The following PACRG variants were observed in gnomAD, a reference collection of about 807,000 sequenced individuals.
The protein encoded by PACRG is parkin coregulated gene protein.
Under a neutral mutation model 29.7 loss-of-function variants are expected in PACRG, and 29 were observed. The ratio of observed to expected loss-of-function variants is 0.98; its 90% confidence interval spans 0.73 to 1.33. The LOEUF (loss-of-function observed/expected upper bound fraction) is 1.33, where lower values mean the gene tolerates loss of function less well. Ranked by LOEUF, PACRG falls within the 40% of genes most tolerant of loss-of-function variation. PACRG has a pLI of 0.00. For missense variants in PACRG, 279 were observed against 316.2 expected, an observed-to-expected ratio of 0.88 and a Z score of 0.89; for synonymous variants, 116 against 118.7, an observed-to-expected ratio of 0.98 and a Z score of 0.15.
At chr6:163,012,316 C>A (rs1805690882) in intron 2 of PACRG, among the ~76,000 whole-genome samples, 1 of 152,152 alleles carries the variant, frequency 6.6e-6, no homozygotes, top group African/African-American at 2.4e-5. Context: ...ATCTGCAAAG[C>A]CAGAAGACAA....
chr6:162,968,572 C>T (rs1801244755), intron 2 of PACRG, among the ~76,000 whole-genome samples: 1 of 152,200 alleles, frequency 6.6e-6, no homozygotes, highest in Non-Finnish European at 1.5e-5. Flanking sequence ...AGTTAACTTC[C>T]TGCTTTCTTG....
rs1231974004 is a variant in PACRG, at chr6:163,086,631, G to C, written c.464-2628G>C. On this transcript the variant is annotated intron_variant, in intron 3 of 4. Coordinates refer to ENST00000366888, the MANE Select transcript of PACRG (RefSeq NM_001080379.2). ...GCAACAAACCCTAGTTCGTTGCTAG[G>C]GGGGATGAATCTGACCACATTTTTT... Among the ~76,000 whole-genome samples the C allele has an allele frequency of 6.6e-5, 10 of 152,100 alleles. No individual in the cohort carries two copies. The East Asian group carries it at 1.2e-3, about 18-fold the overall frequency.
intron 3 of PACRG, among the ~76,000 whole-genome samples, chr6:163,073,991 A>G (rs1434059682): frequency 6.6e-6 from 1 of 152,208 alleles, no homozygotes; most frequent in Non-Finnish European, 1.5e-5. Context: ...CATTAATACA[A>G]CCACTATGGA....
intron 2 of PACRG, among the ~76,000 whole-genome samples, chr6:162,944,339 A>G (rs1004402899): frequency 6.6e-6 from 1 of 152,244 alleles, no homozygotes; most frequent in African/African-American, 2.4e-5. Flanking sequence ...CTTAGCAAGA[A>G]AATTCAAACA....
At chr6:162,757,405 C>T (rs1782013332) in intron 1 of PACRG, among the ~76,000 whole-genome samples, 1 of 152,258 alleles carries the variant, frequency 6.6e-6, no homozygotes, top group East Asian at 1.9e-4. Context: ...AATCCCAGCA[C>T]TTTGGGAGGC....
intron 4 of PACRG, among the ~76,000 whole-genome samples, chr6:163,140,932 A>G (rs1347952590): frequency 6.6e-6 from 1 of 152,228 alleles, no homozygotes; most frequent in Non-Finnish European, 1.5e-5. Flanking sequence ...CGGCATCATG[A>G]TGGGAGAGAC....
chr6:163,149,237 G>C (rs1777967019), intron 4 of PACRG, among the ~76,000 whole-genome samples: 1 of 152,070 alleles, frequency 6.6e-6, no homozygotes, highest in South Asian at 2.1e-4. Context: ...AGAGCTTCCG[G>C]AGGGGACGCC....
At chr6:163,054,789 G>A (rs1463787679) in intron 2 of PACRG, among the ~76,000 whole-genome samples, 1 of 152,130 alleles carries the variant, frequency 6.6e-6, no homozygotes, top group African/African-American at 2.4e-5. Flanking sequence ...ACAGGAAGAG[G>A]AGGGGCCAGG....
At position 162,989,179 on chromosome 6, in the gene PACRG, G is replaced by A. The variant is rs562389733; in HGVS notation, c.292-72971G>A. Among the ~76,000 whole-genome samples, 5 of 152,186 alleles carry A rather than the reference G, an allele frequency of 3.3e-5. No homozygotes were observed. The South Asian group carries it at 1.0e-3, about 32-fold the overall frequency. On this transcript the variant is annotated intron_variant, in intron 2 of 4. Transcript: ENST00000366888. ...GACATAAGCATAAGAAAGACCTAAG[G>A]CAAAAAGGACACTACAGCTCTGACT...
intron 4 of PACRG, among the ~76,000 whole-genome samples, chr6:163,137,558 C>G (rs1014221768): frequency 2.0e-5 from 3 of 152,232 alleles, no homozygotes; most frequent in East Asian, 1.9e-4. Context: ...CTTTCTCCAT[C>G]CCCCCAAACC....
chr6:163,200,453 A>G (rs900764650), intron 4 of PACRG, among the ~76,000 whole-genome samples: 2 of 152,126 alleles, frequency 1.3e-5, no homozygotes, highest in Non-Finnish European at 2.9e-5. Flanking sequence ...AGGCAACAGT[A>G]CTAACCTTGG....
At chr6:163,279,005 CT>C (rs1486672891) in intron 4 of PACRG, among the ~76,000 whole-genome samples, 14 of 152,272 alleles carry the variant, frequency 9.2e-5, no homozygotes, top group African/African-American at 3.1e-4. Flanking sequence ...TCTATGATTT[CT>C]TTCAGCAGTG....
chr6:162,789,582 A>C (rs1329277469), intron 1 of PACRG, among the ~76,000 whole-genome samples: 1 of 152,168 alleles, frequency 6.6e-6, no homozygotes, highest in Non-Finnish European at 1.5e-5. Context: ...TACTATTTCA[A>C]TTAACTCTTG....
chr6:162,997,436 T>A, intron 2 of PACRG: 1 of 454,734 alleles, frequency 2.2e-6, no homozygotes, highest in South Asian at 1.6e-5. Context: ...CAAAACCACA[T>A]CACCTTGGCC....
At chr6:163,146,052 A>G (rs1041556781) in intron 4 of PACRG, among the ~76,000 whole-genome samples, 1 of 152,162 alleles carries the variant, frequency 6.6e-6, no homozygotes, top group Non-Finnish European at 1.5e-5. Context: ...CCCTTCTTCT[A>G]CTGTTCTCTT....
At chr6:162,869,505 T>G (rs1387510227) in intron 2 of PACRG, among the ~76,000 whole-genome samples, 1 of 152,178 alleles carries the variant, frequency 6.6e-6, no homozygotes, top group Non-Finnish European at 1.5e-5. Flanking sequence ...AGGGAAGAGG[T>G]AGGCAAGGGA....
intron 4 of PACRG, among the ~76,000 whole-genome samples, chr6:163,149,457 C>A (rs904919577): frequency 6.6e-6 from 1 of 152,200 alleles, no homozygotes; most frequent in Non-Finnish European, 1.5e-5. Flanking sequence ...CTGGAGAACA[C>A]GGCCTTGTGA....
intron 2 of PACRG, among the ~76,000 whole-genome samples, chr6:162,912,243 A>G (rs1584737019): frequency 6.6e-6 from 1 of 152,182 alleles, no homozygotes; most frequent in Admixed American, 6.5e-5. Context: ...CTTGTGATCA[A>G]CTTCCAGGTT....
At chr6:162,811,564 A>G (rs528849033) in intron 1 of PACRG, among the ~76,000 whole-genome samples, 1 of 152,282 alleles carries the variant, frequency 6.6e-6, no homozygotes, top group South Asian at 2.1e-4. Context: ...AAAAAAATTG[A>G]AAAAATTGAA....
Sources: gnomAD v4.1 joint callset for allele counts (sites outside exome capture counted in the v4.1 genomes callset) on GRCh38, gnomAD v4.1.1 for gene constraint, MANE v1.5 for transcripts, NCBI Gene and HGNC (gene_info 2026-07-23, HGNC 2026-07-21) for gene names.